Variants in TEX9 observed in about 807,000 individuals in gnomAD.
TEX9 encodes the protein testis-expressed protein 9.
Under a neutral mutation model 59.6 loss-of-function variants are expected in TEX9, and 74 were observed. That is an observed-to-expected ratio of 1.24 (90% CI 1.03 to 1.51). The LOEUF is 1.51. Ranked by LOEUF, TEX9 falls within the 40% of genes most tolerant of loss-of-function variation. The probability of loss-of-function intolerance (pLI) is 0.00; values close to 1 mark genes in which losing one functional copy is unlikely to be tolerated. For synonymous variants in TEX9, 186 were observed against 152.2 expected, an observed-to-expected ratio of 1.22 and a Z score of -1.64; for missense variants, 522 against 447.8, an observed-to-expected ratio of 1.17 and a Z score of -1.49.
rs537139649 is a variant in TEX9, at chr15:56,342,436, C to T, written c.-106-31005C>T. Among the ~76,000 whole-genome samples the T allele has an allele frequency of 4.6e-5, 7 of 152,118 alleles. No homozygotes were observed. In the East Asian group the frequency reaches 1.4e-3, roughly 29 times the overall value. On this transcript the variant is annotated intron_variant, in intron 1 of 5. Coordinates refer to the TEX9 transcript ENST00000560827. The stretch of plus-strand genomic sequence containing the variant: ...AGAATAGTTGTCCTTTCTATTGCCG[C>T]TTGCAACAAGAAACTTCTATCAACC...
chr15:56,244,470 C>G (rs1394719189), intron 1 of TEX9, among the ~76,000 whole-genome samples: 1 of 152,142 alleles, frequency 6.6e-6, no homozygotes, highest in Non-Finnish European at 1.5e-5. Context: ...CCTCCATCCC[C>G]CTGCAAGAAC....
downstream of TEX9, among the ~76,000 whole-genome samples, chr15:56,449,051 G>A (rs770500956): frequency 6.6e-5 from 10 of 152,014 alleles, no homozygotes; most frequent in East Asian, 1.4e-3. Context: ...CACCACACCC[G>A]GCTATTTGTA....
chr15:56,429,072 A>AATCT lies in TEX9; in HGVS notation c.*29+602_*29+605dup, dbSNP rs763533878. 4.1e-6 allele frequency: 6 copies of AATCT among 1,459,664 alleles called. No homozygotes were observed. The South Asian group carries it at 7.5e-5, about 18-fold the overall frequency. 90.4% of individuals were successfully genotyped at this position (1,459,664 alleles called of 1,614,324 possible). ...TGACATCTAGTGGTAACATGCAAAA[A>AATCT]ATCTATGCTTTACCCAATTTTGATG... On this transcript the variant is annotated intron_variant, in intron 12 of 12. Coordinates refer to ENST00000352903, the Ensembl canonical transcript of TEX9.
chr15:56,399,129 G>A (rs192173232), intron 9 of TEX9, among the ~76,000 whole-genome samples: 176 of 152,310 alleles, frequency 1.2e-3, no homozygotes, highest in African/African-American at 4.0e-3. Context: ...TGCAGCCCAC[G>A]GAGGGTGAAC....
At position 56,438,819 on chromosome 15, in the gene TEX9, A is replaced by G. The variant is rs187511793; in HGVS notation, c.*30-6852A>G. On this transcript the variant is annotated intron_variant, in intron 12 of 12. Coordinates refer to ENST00000352903, the Ensembl canonical transcript of TEX9. ...GAAAAAATCAAACAACCCCATCAAA[A>G]AGTGGGCGAAGGATATGAATAGACA... Among the ~76,000 whole-genome samples, 305 of 152,278 alleles carry G rather than the reference A, an allele frequency of 2.0e-3. 5 individuals are homozygous for G. The highest frequency in any genetic ancestry group is 7.0e-3 in the African/African-American group (292 of 41,570).
chr15:56,403,930 T>C (rs150956105), intron 9 of TEX9, among the ~76,000 whole-genome samples: 26 of 152,364 alleles, frequency 1.7e-4, no homozygotes, highest in African/African-American at 5.3e-4. Context: ...GCTAGCCATA[T>C]GCAGACAGCT....
At chr15:56,316,940 T>C (rs1346782889) in intron 1 of TEX9, among the ~76,000 whole-genome samples, 2 of 152,204 alleles carry the variant, frequency 1.3e-5, no homozygotes, top group East Asian at 3.9e-4. Context: ...CCCCTTTCTT[T>C]GACTCAGAAA....
At chr15:56,396,567 T>TG (rs1383722121) in intron 9 of TEX9, 4 of 75,552 alleles carry the variant, frequency 5.3e-5, no homozygotes, top group Non-Finnish European at 1.1e-4. Flanking sequence ...CTTTTGAATC[T>TG]GTTTTTTTTT....
chr15:56,428,991 A>C, intron 12 of TEX9: 3 of 592,824 alleles, frequency 5.1e-6, no homozygotes. Context: ...TGATTTACAA[A>C]ATCCAAACAG....
chr15:56,326,481 A>T (rs2046022246), intron 1 of TEX9, among the ~76,000 whole-genome samples: 1 of 152,346 alleles, frequency 6.6e-6, no homozygotes, highest in African/African-American at 2.4e-5. Flanking sequence ...CGTTTTACAT[A>T]AATAATCTGA....
chr15:56,431,600 C>G (rs928601887), intron 12 of TEX9: 3 of 1,075,864 alleles, frequency 2.8e-6, no homozygotes, highest in Admixed American at 2.6e-5. Flanking sequence ...AATTGATGAA[C>G]TATTTATGAC....
intron 1 of TEX9, among the ~76,000 whole-genome samples, chr15:56,341,708 TA>T (rs2046374769): frequency 6.6e-6 from 1 of 152,182 alleles, no homozygotes; most frequent in Non-Finnish European, 1.5e-5. Context: ...AATTATTATT[TA>T]AATAACTGAT....
At chr15:56,263,495 G>T (rs1171765851) in intron 1 of TEX9, among the ~76,000 whole-genome samples, 1 of 151,782 alleles carries the variant, frequency 6.6e-6, no homozygotes, top group South Asian at 2.1e-4. Context: ...TTTTCTTGGG[G>T]TTAATTATAT....
chr15:56,348,100 A>G (rs780876000), intron 1 of TEX9, among the ~76,000 whole-genome samples: 9 of 152,126 alleles, frequency 5.9e-5, no homozygotes, highest in Non-Finnish European at 1.2e-4. Flanking sequence ...ATATTGTGTT[A>G]TAATTTTACA....
chr15:56,336,159 C>T (rs182221444), intron 1 of TEX9, among the ~76,000 whole-genome samples: 1 of 152,180 alleles, frequency 6.6e-6, no homozygotes, highest in African/African-American at 2.4e-5. Flanking sequence ...TGTATCATAT[C>T]CCCATAATCT....
chr15:56,339,403 A>AAAAAC (rs2046328483), intron 1 of TEX9, among the ~76,000 whole-genome samples: 2 of 145,102 alleles, frequency 1.4e-5, no homozygotes, highest in South Asian at 2.2e-4. Flanking sequence ...AAAAAAAAAA[A>AAAAAC]AAAAAAAAAA....
chr15:56,250,635 T>G (rs185127047), intron 1 of TEX9, among the ~76,000 whole-genome samples: 3 of 152,332 alleles, frequency 2.0e-5, no homozygotes, highest in Admixed American at 1.3e-4. Flanking sequence ...ATTTGTATGT[T>G]TACATATTTT....
In TEX9 at chr15:56,289,105, C is replaced by T. The variant is rs1350985433; in HGVS notation, c.-107+44827C>T. ...TAATTTCAATCTCATTGTTTAATTT[C>T]TCATTTTGGTCATTTATTGTTTCTC... On this transcript the variant is annotated intron_variant, in intron 1 of 5. Transcript: ENST00000560827. 3.9e-5 allele frequency among the ~76,000 whole-genome samples: 6 copies of T among 152,034 alleles called. No homozygotes were observed. In the East Asian group the frequency reaches 1.2e-3, roughly 29 times the overall value.
At chr15:56,357,178 C>T (rs1596113198) in intron 1 of TEX9, among the ~76,000 whole-genome samples, 2 of 152,274 alleles carry the variant, frequency 1.3e-5, no homozygotes, top group South Asian at 2.1e-4. Context: ...GGCTGCCATT[C>T]ATTAGTGAGT....
Sources: allele counts gnomAD v4.1 joint callset (sites outside exome capture counted in the v4.1 genomes callset), GRCh38; gene constraint gnomAD v4.1.1; transcripts MANE v1.5; gene names NCBI Gene and HGNC (gene_info 2026-07-23, HGNC 2026-07-21).